The following UBE2Q2 variants were observed in gnomAD, a reference collection of about 807,000 sequenced individuals.
UBE2Q2 encodes the protein ubiquitin-conjugating enzyme E2 Q2.
A neutral mutation model predicts 59.9 loss-of-function variants in UBE2Q2; 54 were observed. The observed-to-expected ratio is 0.90, with a 90% CI of 0.72 to 1.13. UBE2Q2 has a LOEUF of 1.13. Ranked by LOEUF, UBE2Q2 falls within the 50% of genes most tolerant of loss-of-function variation. The probability of loss-of-function intolerance (pLI) is 0.00; values close to 1 mark genes in which losing one functional copy is unlikely to be tolerated. For missense variants in UBE2Q2, 433 were observed against 441.9 expected (o/e 0.98, Z 0.18); for synonymous variants, 165 against 155.2 (o/e 1.06, Z -0.47).
At chr15:75,856,535 G>C (rs1567019230) in intron 2 of UBE2Q2, among the ~76,000 whole-genome samples, 2 of 152,140 alleles carry the variant, frequency 1.3e-5, no homozygotes. Context: ...AATAAGGAAA[G>C]GCTAGATTAT....
chr15:75,897,170 T>G, intron 12 of UBE2Q2, 109 bp downstream of exon 12: 1 of 442,284 alleles, frequency 2.3e-6, no homozygotes, highest in South Asian at 7.9e-5. Context: ...AAAATGCTGT[T>G]ACCATGGTGA....
intron 11 of UBE2Q2, among the ~76,000 whole-genome samples, chr15:75,891,949 T>C (rs1227329814): frequency 6.6e-6 from 1 of 152,162 alleles, no homozygotes; most frequent in Non-Finnish European, 1.5e-5. Flanking sequence ...TCTGACCTAT[T>C]TCTATGATCA....
chr15:75,862,915 T>C (rs1306813797), intron 3 of UBE2Q2, among the ~76,000 whole-genome samples: 2 of 152,012 alleles, frequency 1.3e-5, no homozygotes, highest in African/African-American at 4.8e-5. Flanking sequence ...TGATTCCCAA[T>C]TGTTATTCCC....
At chr15:75,886,399 A>G (rs931762222) in intron 9 of UBE2Q2, among the ~76,000 whole-genome samples, 3 of 152,120 alleles carry the variant, frequency 2.0e-5, no homozygotes, top group African/African-American at 7.2e-5. Flanking sequence ...GGATTATGGC[A>G]TGAGCCACTG....
chr15:75,896,797 A>G (rs1003941167), intron 11 of UBE2Q2, among the ~76,000 whole-genome samples, 198 bp from the exon 12 acceptor site: 5 of 152,186 alleles, frequency 3.3e-5, no homozygotes, highest in African/African-American at 7.2e-5. Flanking sequence ...TTGGGGTACA[A>G]TTTTGGTTTT....
rs1415909189 is a variant in UBE2Q2, at chr15:75,863,786, G to A, written c.387+3804G>A. Among the ~76,000 whole-genome samples, 4 of 152,188 alleles carry A rather than the reference G, an allele frequency of 2.6e-5. No individual in the cohort carries two copies. In the South Asian group the frequency reaches 8.3e-4, roughly 32 times the overall value. ...GTCTCCCCAGTAGCTGGGATTACAG[G>A]TGTGCACCACCACGCTCGGCTAATT... On this transcript the variant is annotated intron_variant, in intron 3 of 12. Transcript: ENST00000267938.
At chr15:75,867,210 A>G (rs1897540228) in intron 3 of UBE2Q2, among the ~76,000 whole-genome samples, 1 of 152,192 alleles carries the variant, frequency 6.6e-6, no homozygotes, top group Non-Finnish European at 1.5e-5. Flanking sequence ...GCATTGAGTT[A>G]TACTAAAAAC....
intron 5 of UBE2Q2, 35 bp from the exon 6 acceptor site, chr15:75,876,152 G>GCAGA (rs770850933): frequency 6.2e-7 from 1 of 1,600,754 alleles, no homozygotes; most frequent in South Asian, 1.1e-5. Context: ...TCTTAGCTCA[G>GCAGA]CAGACCCTGG....
At chr15:75,868,659 A>G (rs910726894) in intron 3 of UBE2Q2, among the ~76,000 whole-genome samples, 2 of 152,198 alleles carry the variant, frequency 1.3e-5, no homozygotes, top group Non-Finnish European at 2.9e-5. Context: ...CTTATTTTAA[A>G]TTAGATTATG....
At chr15:75,882,840 G>GA (rs1456946233) in intron 8 of UBE2Q2, among the ~76,000 whole-genome samples, 1 of 152,116 alleles carries the variant, frequency 6.6e-6, no homozygotes, top group Non-Finnish European at 1.5e-5. Context: ...TAAGGAGCCG[G>GA]AGACTTAGCA....
intron 11 of UBE2Q2, among the ~76,000 whole-genome samples, chr15:75,895,826 A>G (rs949133780): frequency 6.6e-6 from 1 of 152,142 alleles, no homozygotes. Flanking sequence ...CAATTTAGCA[A>G]TATCTCAGAA....
intron 9 of UBE2Q2, among the ~76,000 whole-genome samples, chr15:75,889,568 G>A (rs1163036647): frequency 2.6e-5 from 4 of 152,114 alleles, no homozygotes; most frequent in African/African-American, 9.7e-5. Flanking sequence ...AGGGTAGGAA[G>A]CAGTAGGAAT....
chr15:75,876,065 CAAAAA>C, intron 5 of UBE2Q2, 117 bp from the exon 6 acceptor site: 29 of 534,142 alleles, frequency 5.4e-5, no homozygotes, highest in Middle Eastern at 5.9e-4. Context: ...ACTCCATCTC[CAAAAA>C]AAAAAAAAAA....
chr15:75,891,132 T>C, intron 11 of UBE2Q2, 118 bp downstream of exon 11: 1 of 763,978 alleles, frequency 1.3e-6, no homozygotes, highest in Non-Finnish European at 2.1e-6. Flanking sequence ...TTTGGTTTGT[T>C]TTCTTCTTGT....
chr15:75,843,795 G>C lies in UBE2Q2; in HGVS notation c.129G>C (p.Gln43His). ...ACTGCCAGTTCCTGGTGCCGCAGCA[G>C]GGCAGCCCGCACTCGCTGCCGCCGC... Reference protein sequence around the residue: ...ELHCQFLVPQQGSPHSLPPPL... With the variant: ...ELHCQFLVPQHGSPHSLPPPL... The change falls in exon 1 of 13, where the codon CAG becomes CAC. Residue 43 changes from glutamine to histidine, a missense_variant. By Grantham distance (24) the Gln-to-His change is conservative. Transcript: ENST00000267938. 1.2e-6 allele frequency: 2 copies of C among 1,607,186 alleles called. No individual in the cohort carries two copies. Among genetic ancestry groups the C allele is most frequent in the Non-Finnish European group, 1.7e-6 (2 of 1,177,878 alleles).
At chr15:75,873,628 C>A in intron 5 of UBE2Q2, 60 bp downstream of exon 5, 1 of 1,537,804 alleles carries the variant, frequency 6.5e-7, no homozygotes, top group Non-Finnish European at 8.8e-7. Flanking sequence ...GTAGTTAATA[C>A]CAGGCAATTC....
intron 11 of UBE2Q2, among the ~76,000 whole-genome samples, chr15:75,893,006 AGTTGGTGGG>A (rs1899189528): frequency 6.6e-6 from 1 of 152,208 alleles, no homozygotes; most frequent in Admixed American, 6.5e-5. Flanking sequence ...ATAGGGCAGA[AGTTGGTGGG>A]GTTGGTGGGG....
rs998378987 is a variant in UBE2Q2, at chr15:75,900,598, C to A, written c.*1140C>A. 2.0e-5 allele frequency: 3 copies of A among 152,560 alleles called. No homozygotes were observed. Among genetic ancestry groups the A allele is most frequent in the African/African-American group, 7.2e-5 (3 of 41,408 alleles). The allele number at this position is 152,560 out of a possible 1,614,324, so 9.5% of individuals were successfully genotyped here. Reference sequence around the variant, plus strand: ...AAATCCAGAAGCACATTTTTCTGCACAAACAAGTTACAAAGTTCAAAAGTG... The same window carrying A: ...AAATCCAGAAGCACATTTTTCTGCAAAAACAAGTTACAAAGTTCAAAAGTG... On this transcript the variant is annotated 3_prime_UTR_variant, in exon 13 of 13. Coordinates refer to ENST00000267938, the MANE Select transcript of UBE2Q2 (RefSeq NM_173469.4).
At chr15:75,844,078 G>A in intron 1 of UBE2Q2, 1 of 1,413,446 alleles carries the variant, frequency 7.1e-7, no homozygotes, top group Non-Finnish European at 9.2e-7. Flanking sequence ...GGCTGGCTTG[G>A]GGGCTTCTGG....
Sources: allele counts gnomAD v4.1 joint callset (sites outside exome capture counted in the v4.1 genomes callset), GRCh38; gene constraint gnomAD v4.1.1; transcripts MANE v1.5; gene names NCBI Gene and HGNC (gene_info 2026-07-23, HGNC 2026-07-21).